The following COL14A1 variants were observed in gnomAD, a reference collection of about 807,000 sequenced individuals.
COL14A1 encodes collagen alpha-1(XIV) chain.
A neutral mutation model predicts 230.3 loss-of-function variants in COL14A1; 136 were observed. The ratio of observed to expected loss-of-function variants is 0.59; its 90% CI spans 0.51 to 0.68. The LOEUF (loss-of-function observed/expected upper bound fraction) is 0.68. COL14A1 is among the 30% of genes least tolerant of loss of function. COL14A1 has a pLI of 0.00. For missense variants in COL14A1, 1,976 were observed against 2,215.8 expected, an observed-to-expected ratio of 0.89 and a Z score of 2.17; for synonymous variants, 792 against 784.1, an observed-to-expected ratio of 1.01 and a Z score of -0.17.
At position 120,255,247 on chromosome 8, in the gene COL14A1, G is replaced by C; in HGVS notation, c.2760G>C (p.Leu920Phe). ...GTTTCTATTTCATTCCAGTGTTCTT[G>C]GGTGTTACCAATCTCCAAGCCAAAC... ...ALTGMVKTLFLGVTNLQAKHV... is the reference protein window; with the variant it reads ...ALTGMVKTLFFGVTNLQAKHV... The change falls in exon 23 of 48, where the codon TTG becomes TTC. Residue 920 changes from leucine to phenylalanine, a missense_variant. Physicochemically the swap from Leu to Phe is conservative, Grantham distance 22. Around this residue, in one of 3 missense-constraint regions of COL14A1, gnomAD observed 1,791 missense variants for 2,019.5 expected, o/e 0.89. Transcript: ENST00000297848. 6.2e-7 allele frequency: 1 copy of C among 1,612,996 alleles called. No individual in the cohort carries two copies. The highest frequency in any genetic ancestry group is 8.5e-7 in the Non-Finnish European group (1 of 1,178,980).
chr8:120,368,993 G>T (rs931990704), intron 46 of COL14A1, among the ~76,000 whole-genome samples: 1 of 152,094 alleles, frequency 6.6e-6, no homozygotes, highest in Non-Finnish European at 1.5e-5. Flanking sequence ...GATTCATAAG[G>T]AACTGCATTG....
intron 35 of COL14A1, among the ~76,000 whole-genome samples, chr8:120,299,061 C>T (rs1416824297): frequency 4.6e-5 from 7 of 151,916 alleles, no homozygotes; most frequent in South Asian, 2.1e-4. Context: ...TGGAGGTAAC[C>T]GCCCCTATGA....
chr8:120,299,502 G>A (rs571714923), intron 35 of COL14A1, among the ~76,000 whole-genome samples: 47 of 152,098 alleles, frequency 3.1e-4, no homozygotes, highest in South Asian at 1.0e-3. Context: ...GATCTTTCTC[G>A]TTCCTTTTCT....
chr8:120,169,703 T>G (rs1816037281), intron 5 of COL14A1, among the ~76,000 whole-genome samples: 1 of 152,062 alleles, frequency 6.6e-6, no homozygotes, highest in Non-Finnish European at 1.5e-5. Flanking sequence ...TTGAAAAATG[T>G]TTTACTCTGA....
Position 120,216,432 on chromosome 8 carries a change from G to A in COL14A1, c.1679G>A (p.Arg560Lys). 6.2e-7 allele frequency: 1 copy of A among 1,613,814 alleles called. No individual in the cohort carries two copies. Among genetic ancestry groups the A allele is most frequent in the East Asian group, 2.2e-5 (1 of 44,836 alleles). The change falls in exon 14 of 48, where the codon AGA (arginine) becomes AAA (lysine). Residue 560 changes from arginine (R) to lysine (K), a missense_variant. Around this residue, in one of 3 missense-constraint regions of COL14A1, gnomAD observed 1,791 missense variants for 2,019.5 expected, o/e 0.89. Coordinates refer to ENST00000297848, the MANE Select transcript of COL14A1 (RefSeq NM_021110.4). ...SARLTWDPTS[R>K]QINGYRIVYN... ...CGATTAACCTGGGACCCAACTTCAA[G>A]ACAGATCAATGGTTATCGAATTGTA...
rs1815655650 is a variant in COL14A1 at position 120,161,200 on chromosome 8, T to G, written c.206-1226T>G. 2.0e-5 allele frequency among the ~76,000 whole-genome samples: 3 copies of G among 152,206 alleles called. 1 individual carries two copies. The South Asian group carries it at 6.2e-4, about 31-fold the overall frequency. Reference sequence around the variant, plus strand: ...ATAATAGCAGCATCAAATTTCAGATTTAAAAATATTAATTTTATTGGCATA... The same window carrying G: ...ATAATAGCAGCATCAAATTTCAGATGTAAAAATATTAATTTTATTGGCATA... On this transcript the variant is annotated intron_variant, in intron 3 of 47. Coordinates refer to ENST00000297848, the MANE Select transcript of COL14A1 (RefSeq NM_021110.4).
At chr8:120,334,986 G>T (rs1012799458) in intron 42 of COL14A1, among the ~76,000 whole-genome samples, 4 of 152,180 alleles carry the variant, frequency 2.6e-5, no homozygotes, top group African/African-American at 9.7e-5. Context: ...ACGTATTTGT[G>T]CATGAGGTTC....
At chr8:120,290,887 A>G (rs1384598174) in intron 34 of COL14A1, among the ~76,000 whole-genome samples, 1 of 152,194 alleles carries the variant, frequency 6.6e-6, no homozygotes, top group East Asian at 1.9e-4. Context: ...TCAGACCTTG[A>G]TAGGTAGATG....
intron 37 of COL14A1, among the ~76,000 whole-genome samples, chr8:120,313,413 A>T (rs566262595): frequency 6.6e-6 from 1 of 152,284 alleles, no homozygotes; most frequent in African/African-American, 2.4e-5. Flanking sequence ...AGGGAAGGTC[A>T]TTCAGTGGAC....
At chr8:120,238,918 C>T (rs1294913491) in intron 19 of COL14A1, among the ~76,000 whole-genome samples, 1 of 152,164 alleles carries the variant, frequency 6.6e-6, no homozygotes, top group Non-Finnish European at 1.5e-5. Flanking sequence ...TGCTTATGCT[C>T]ACCCTCCATG....
intron 42 of COL14A1, among the ~76,000 whole-genome samples, chr8:120,339,332 A>G (rs913302904): frequency 2.6e-5 from 4 of 152,216 alleles, no homozygotes; most frequent in African/African-American, 7.2e-5. Context: ...GAAATGAAGC[A>G]CAAATTGGCT....
chr8:120,133,373 C>A (rs1352463904), intron 1 of COL14A1, among the ~76,000 whole-genome samples: 1 of 151,910 alleles, frequency 6.6e-6, no homozygotes, highest in African/African-American at 2.4e-5. Context: ...AGATTAATTT[C>A]ACTAATATTG....
At chr8:120,134,723 C>G (rs891673468) in intron 1 of COL14A1, among the ~76,000 whole-genome samples, 23 of 152,202 alleles carry the variant, frequency 1.5e-4, no homozygotes, top group African/African-American at 5.3e-4. Flanking sequence ...GCTTGTAATC[C>G]CAGCACTTTG....
chr8:120,151,639 CAAAA>C (rs59123417), intron 2 of COL14A1, among the ~76,000 whole-genome samples: 3 of 78,606 alleles, frequency 3.8e-5, no homozygotes, highest in South Asian at 5.1e-4. Flanking sequence ...GACTCCGTCT[CAAAA>C]AAAAAAAAAA....
At chr8:120,243,209 C>A (rs575874366) in intron 19 of COL14A1, among the ~76,000 whole-genome samples, 3 of 152,154 alleles carry the variant, frequency 2.0e-5, no homozygotes, top group Admixed American at 2.0e-4. Context: ...CTCACACTTG[C>A]GCGATGTCGA....
At position 120,327,657 on chromosome 8, in the gene COL14A1, C is replaced by T. The variant is rs140540817; in HGVS notation, c.4660-4484C>T. Among the ~76,000 whole-genome samples, 67 of 152,324 alleles carry T rather than the reference C, an allele frequency of 4.4e-4. 1 individual carries two copies. The highest frequency in any genetic ancestry group is 1.5e-3 in the African/African-American group (63 of 41,586). On this transcript the variant is annotated intron_variant, in intron 40 of 47. Transcript: ENST00000297848. ...AGGAGAATGACACCAGCATTCCCCT[C>T]ACCCTATACATTTCCAGACTCATTC...
At chr8:120,345,712 A>G (rs1393701592) in intron 45 of COL14A1, 149 bp downstream of exon 45, 2 of 744,066 alleles carry the variant, frequency 2.7e-6, no homozygotes, top group African/African-American at 1.9e-5. Flanking sequence ...TTGTTTATTT[A>G]TCTCTGAGAT....
chr8:120,300,617 T>C, intron 35 of COL14A1, 115 bp from the exon 36 acceptor site: 1 of 773,122 alleles, frequency 1.3e-6, no homozygotes, highest in East Asian at 2.5e-5. Flanking sequence ...TCTGCCTTTC[T>C]AATGTGCACT....
At chr8:120,198,401 A>C (rs1457662853) in intron 7 of COL14A1, among the ~76,000 whole-genome samples, 1 of 152,184 alleles carries the variant, frequency 6.6e-6, no homozygotes, top group Non-Finnish European at 1.5e-5. Flanking sequence ...AATAATATGG[A>C]TCTTTGGCTC....
Sources: allele counts gnomAD v4.1 joint callset (sites outside exome capture counted in the v4.1 genomes callset), GRCh38; gene constraint gnomAD v4.1.1; regional missense constraint gnomAD v4.1.1; transcripts MANE v1.5; gene names NCBI Gene and HGNC (gene_info 2026-07-23, HGNC 2026-07-21).